Variants in ERBB4 observed in about 807,000 individuals in gnomAD.
The protein encoded by ERBB4 is erb-b2 receptor tyrosine kinase 4.
A neutral mutation model predicts 158.0 loss-of-function variants in ERBB4; 42 were observed. The observed-to-expected ratio is 0.27, with a 90% CI of 0.21 to 0.34. The LOEUF (loss-of-function observed/expected upper bound fraction) is 0.34. Among genes scored for constraint, ERBB4 ranks in the 10% least tolerant of loss-of-function variants. The pLI is 1.00. For synonymous variants in ERBB4, 583 were observed against 558.7 expected (o/e 1.04, Z -0.61); for missense variants, 1,333 against 1,624.1 (o/e 0.82, Z 3.08).
At chr2:211,502,790 T>C (rs372199852) in intron 20 of ERBB4, among the ~76,000 whole-genome samples, 1 of 152,304 alleles carries the variant, frequency 6.6e-6, no homozygotes, top group East Asian at 1.9e-4. Context: ...GTAAAACTTC[T>C]TGGAGTTTCT....
intron 1 of ERBB4, among the ~76,000 whole-genome samples, chr2:212,236,785 T>C (rs13391963): frequency 0.041 from 6,258 of 152,302 alleles, 398 homozygotes; most frequent in African/African-American, 0.14. Context: ...TGAAGGTAGT[T>C]TGTATTTCTG....
chr2:211,562,794 C>T (rs376238128), intron 19 of ERBB4, among the ~76,000 whole-genome samples: 4 of 95,082 alleles, frequency 4.2e-5, no homozygotes, highest in African/African-American at 1.5e-4. Flanking sequence ...TTTTTTGAGA[C>T]GGAGTCTCGC....
chr2:212,462,576 G>A (rs1448338235), intron 1 of ERBB4, among the ~76,000 whole-genome samples: 1 of 152,064 alleles, frequency 6.6e-6, no homozygotes, highest in African/African-American at 2.4e-5. Context: ...CAGTTAGAAT[G>A]GGTATTCTCA....
chr2:211,885,436 T>C (rs763243583), intron 3 of ERBB4, among the ~76,000 whole-genome samples: 2 of 151,938 alleles, frequency 1.3e-5, no homozygotes, highest in East Asian at 1.9e-4. Flanking sequence ...GTAGAGAAAA[T>C]AGAGAAACAA....
chr2:212,256,422 A>G (rs1283956379), intron 1 of ERBB4, among the ~76,000 whole-genome samples: 1 of 152,168 alleles, frequency 6.6e-6, no homozygotes, highest in Admixed American at 6.6e-5. Context: ...GAGTTAGGTC[A>G]AAAGAAAGTG....
chr2:211,516,885 T>C (rs6743565), intron 20 of ERBB4, among the ~76,000 whole-genome samples: 9,358 of 152,188 alleles, frequency 0.061, 719 homozygotes, highest in East Asian at 0.26. Flanking sequence ...AGGCTAATAG[T>C]AATCCTTCTC....
chr2:212,279,528 T>C (rs1194754048), intron 1 of ERBB4, among the ~76,000 whole-genome samples: 2 of 151,632 alleles, frequency 1.3e-5, no homozygotes, highest in Non-Finnish European at 3.0e-5. Flanking sequence ...TAAGTTTTCA[T>C]TATGATTCAA....
intron 1 of ERBB4, among the ~76,000 whole-genome samples, chr2:212,264,079 G>T (rs1358758344): frequency 1.3e-5 from 2 of 152,074 alleles, no homozygotes; most frequent in South Asian, 2.1e-4. Flanking sequence ...TATTGCCTTG[G>T]TTGAATTTGT....
chr2:211,376,921 G>A lies in ERBB4; in HGVS notation c.*6694C>T, dbSNP rs764649630. On this transcript the variant is annotated 3_prime_UTR_variant, in exon 28 of 28. Coordinates refer to ENST00000342788, the MANE Select transcript of ERBB4 (RefSeq NM_005235.3). ...CCAGGGAGACAGGCATTCAAAGTTAGCTGCCCTCACACAGCTGCTCCGTTT... is the reference window on the plus strand; with the variant it reads ...CCAGGGAGACAGGCATTCAAAGTTAACTGCCCTCACACAGCTGCTCCGTTT... The A allele has an allele frequency of 2.1e-5, 5 of 233,220 alleles. No individual in the cohort carries two copies. The highest frequency in any genetic ancestry group is 2.5e-5 in the Non-Finnish European group (3 of 117,754). The allele number at this position is 233,220 out of a possible 1,614,324, so 14.4% of individuals were successfully genotyped here.
At chr2:211,537,307 A>G (rs895165325) in intron 20 of ERBB4, among the ~76,000 whole-genome samples, 1 of 137,472 alleles carries the variant, frequency 7.3e-6, no homozygotes, top group Non-Finnish European at 1.6e-5. Context: ...AATTGCTGTA[A>G]GGTCTGGCTC....
chr2:211,555,774 GA>G (rs1298766846), intron 20 of ERBB4, among the ~76,000 whole-genome samples: 4 of 152,150 alleles, frequency 2.6e-5, no homozygotes, highest in African/African-American at 9.7e-5. Flanking sequence ...AGCAAATGTT[GA>G]AGTAATTTGT....
chr2:212,454,965 T>C (rs1390087844), intron 1 of ERBB4, among the ~76,000 whole-genome samples: 1 of 152,186 alleles, frequency 6.6e-6, no homozygotes, highest in East Asian at 1.9e-4. Flanking sequence ...ACACACATTA[T>C]AAAACAGAAT....
chr2:211,837,923 G>A (rs2077377108), intron 3 of ERBB4, among the ~76,000 whole-genome samples: 1 of 152,008 alleles, frequency 6.6e-6, no homozygotes, highest in Admixed American at 6.6e-5. Flanking sequence ...AATCTAGTGG[G>A]GAAGGTGGTC....
chr2:211,628,039 G>A (rs7601664), intron 17 of ERBB4, among the ~76,000 whole-genome samples: 113,904 of 152,118 alleles, frequency 0.75, 46,019 homozygotes, highest in Non-Finnish European at 0.89. Context: ...CTGGTATAAT[G>A]AGATCATTGA....
chr2:211,961,420 G>A (rs2081177150), intron 2 of ERBB4, among the ~76,000 whole-genome samples: 1 of 152,150 alleles, frequency 6.6e-6, no homozygotes, highest in African/African-American at 2.4e-5. Flanking sequence ...CGACCTGTTT[G>A]TACTTTCCAA....
intron 2 of ERBB4, among the ~76,000 whole-genome samples, chr2:212,046,556 T>C (rs2077266215): frequency 6.6e-6 from 1 of 152,236 alleles, no homozygotes; most frequent in African/African-American, 2.4e-5. Flanking sequence ...GCAGTATTGA[T>C]GTATTTATCA....
intron 1 of ERBB4, among the ~76,000 whole-genome samples, chr2:212,294,862 G>C (rs979692690): frequency 9.2e-5 from 14 of 152,078 alleles, no homozygotes; most frequent in African/African-American, 3.4e-4. Flanking sequence ...ACTGTAGGGG[G>C]TTTGATAGAG....
At chr2:212,535,120 C>A (rs987946693) in intron 1 of ERBB4, among the ~76,000 whole-genome samples, 4 of 152,044 alleles carry the variant, frequency 2.6e-5, no homozygotes, top group African/African-American at 4.8e-5. Context: ...TAACTGGAGT[C>A]ATTTCATCAC....
At chr2:212,266,179 C>T (rs1009283909) in intron 1 of ERBB4, among the ~76,000 whole-genome samples, 14 of 151,594 alleles carry the variant, frequency 9.2e-5, no homozygotes, top group African/African-American at 3.4e-4. Flanking sequence ...AAATTCCTTT[C>T]ATTTTCTTTT....
Sources: allele counts gnomAD v4.1 joint callset (sites outside exome capture counted in the v4.1 genomes callset), GRCh38; gene constraint gnomAD v4.1.1; transcripts MANE v1.5; gene names NCBI Gene and HGNC (gene_info 2026-07-23, HGNC 2026-07-21).